MAN1B1: variants seen among roughly 807,000 people sequenced by gnomAD.
MAN1B1 encodes the protein mannosidase alpha class 1B member 1, also known as endoplasmic reticulum mannosyl-oligosaccharide 1,2-alpha-mannosidase.
In MAN1B1, 66 loss-of-function variants were observed where a neutral mutation model predicts 75.5. That is an observed-to-expected ratio of 0.87 (90% CI 0.72 to 1.07). The LOEUF (loss-of-function observed/expected upper bound fraction) is 1.07. Among genes scored for constraint, MAN1B1 ranks in the 50% least tolerant of loss-of-function variants. MAN1B1 has a pLI of 0.00. For synonymous variants in MAN1B1, 453 were observed against 382.8 expected, an observed-to-expected ratio of 1.18 and a Z score of -2.14; for missense variants, 973 against 912.5, an observed-to-expected ratio of 1.07 and a Z score of -0.85.
At chr9:137,103,713 G>T (rs1369612686) in intron 8 of MAN1B1, 1 of 438,948 alleles carries the variant, frequency 2.3e-6, no homozygotes, top group Non-Finnish European at 4.6e-6. Flanking sequence ...CAGGCGTGCA[G>T]GTCCGTGGTG....
chr9:137,088,022 ACGTTC>A, intron 1 of MAN1B1, 48 bp from the exon 2 acceptor site: 8 of 1,316,842 alleles, frequency 6.1e-6, no homozygotes, highest in Non-Finnish European at 8.8e-6. Context: ...GACAGTTGAG[ACGTTC>A]CGTGTGATAT....
chr9:137,088,721 G>C, intron 2 of MAN1B1, 148 bp from the exon 3 acceptor site: 1 of 909,996 alleles, frequency 1.1e-6, no homozygotes, highest in Non-Finnish European at 1.7e-6. Flanking sequence ...TCATTCCCTT[G>C]GGACATTGTT....
chr9:137,095,372 T>TA (rs1400341009), intron 3 of MAN1B1, among the ~76,000 whole-genome samples: 189 of 151,216 alleles, frequency 1.2e-3, no homozygotes, highest in African/African-American at 4.6e-3. Flanking sequence ...CTTTCCTTTT[T>TA]TAAAAAAAAA....
At chr9:137,089,098 C>T (rs889682493) in intron 3 of MAN1B1, 93 bp downstream of exon 3, 7 of 1,462,226 alleles carry the variant, frequency 4.8e-6, no homozygotes, top group South Asian at 1.1e-5. Context: ...TTTCCTTTAC[C>T]ATTTATTACC....
chr9:137,106,121 G>A lies in MAN1B1; in HGVS notation c.1255-4G>A, dbSNP rs201918928. ...TAAACCCACCATCCCCCTTTCTGCC[G>A]CAGGAGGCAGTGGAGAAGGTGACAC... On this transcript the variant is annotated splice_region_variant and splice_polypyrimidine_tract_variant and intron_variant, in intron 8 of 12. Transcript: ENST00000371589. 1.5e-5 allele frequency: 24 copies of A among 1,611,828 alleles called. No homozygotes were observed. Among genetic ancestry groups the A allele is most frequent in the African/African-American group, 5.3e-5 (4 of 75,038 alleles).
At chr9:137,106,399 C>A in intron 9 of MAN1B1, 84 bp downstream of exon 9, 1 of 1,278,490 alleles carries the variant, frequency 7.8e-7, no homozygotes, top group Non-Finnish European at 1.1e-6. Flanking sequence ...GCTCCCACGG[C>A]CCCCGCTCCT....
Position 137,099,807 on chromosome 9 carries a change from T to C in MAN1B1, c.842T>C (p.Phe281Ser). 6.2e-7 allele frequency: 1 copy of C among 1,614,242 alleles called. No individual in the cohort carries two copies. The highest frequency in any genetic ancestry group is 8.5e-7 in the Non-Finnish European group (1 of 1,180,050). ...GAGCTGAAGCCTGTGTCCAGGTCCT[T>C]CAGTGAGTGGTTTGGCCTCGGTCTC... ...HDELKPVSRS[F>S]SEWFGLGLTL... Residue 281 changes from phenylalanine to serine, a missense_variant, in exon 6 of 13, where the codon TTC becomes TCC. Coordinates refer to ENST00000371589, the MANE Select transcript of MAN1B1 (RefSeq NM_016219.5).
In MAN1B1 at chr9:137,095,840, G is replaced by A. The variant is rs145060333; in HGVS notation, c.466-397G>A. 1.2e-3 allele frequency among the ~76,000 whole-genome samples: 190 copies of A among 152,292 alleles called. No individual in the cohort carries two copies. The East Asian group carries it at 0.031, about 25-fold the overall frequency. On this transcript the variant is annotated intron_variant, in intron 3 of 12. Transcript: ENST00000371589. ...GGGGAACCCAGCTCCATATGTCATC[G>A]GAAGCTTTGTGCTTTGTAGTGAGGA...
chr9:137,107,236 C>A lies in MAN1B1; in HGVS notation c.1567-14C>A. The stretch of plus-strand genomic sequence containing the variant: ...GGCCTGGGATCTGGGGCTGAAGAGA[C>A]CCTCTGATTCCAGGACCACCTGGTG... On this transcript the variant is annotated splice_polypyrimidine_tract_variant and intron_variant, in intron 10 of 12. Coordinates refer to ENST00000371589, the MANE Select transcript of MAN1B1 (RefSeq NM_016219.5). 6.2e-7 allele frequency: 1 copy of A among 1,612,148 alleles called. No homozygotes were observed. Among genetic ancestry groups the A allele is most frequent in the East Asian group, 2.2e-5 (1 of 44,848 alleles).
At chr9:137,089,125 C>G in intron 3 of MAN1B1, 120 bp downstream of exon 3, 1 of 1,284,696 alleles carries the variant, frequency 7.8e-7, no homozygotes, top group Non-Finnish European at 1.1e-6. Flanking sequence ...TTACCTCTCT[C>G]TCGTTTTGGA....
chr9:137,095,334 C>T (rs1830624186), intron 3 of MAN1B1, among the ~76,000 whole-genome samples: 1 of 151,728 alleles, frequency 6.6e-6, no homozygotes, highest in South Asian at 2.1e-4. Context: ...CAGACGTGAG[C>T]CACCGTGCCC....
chr9:137,106,575 C>G, intron 9 of MAN1B1, 114 bp from the exon 10 acceptor site: 21 of 1,547,192 alleles, frequency 1.4e-5, no homozygotes, highest in Non-Finnish European at 1.9e-5. Context: ...ACCTTCTGTC[C>G]GGCAAGGGCC....
intron 4 of MAN1B1, 95 bp from the exon 5 acceptor site, chr9:137,097,733 G>A (rs1830691656): frequency 7.3e-6 from 7 of 952,988 alleles, no homozygotes; most frequent in Admixed American, 2.0e-5. Flanking sequence ...TTGGGTGCAG[G>A]GCTGTGCCTT....
intron 8 of MAN1B1, 56 bp downstream of exon 8, chr9:137,101,728 A>G (rs759054782): frequency 1.9e-6 from 3 of 1,559,188 alleles, no homozygotes; most frequent in Non-Finnish European, 2.6e-6. Context: ...CCTTTTGCTC[A>G]TCACAGCAGG....
chr9:137,089,803 C>T (rs918262570), intron 3 of MAN1B1, among the ~76,000 whole-genome samples: 7 of 151,862 alleles, frequency 4.6e-5, no homozygotes, highest in Admixed American at 4.6e-4. Flanking sequence ...GGGTGAGTCC[C>T]CGGGTGGAGG....
intron 7 of MAN1B1, 51 bp downstream of exon 7, chr9:137,101,204 A>G (rs762769320): frequency 6.2e-7 from 1 of 1,607,330 alleles, no homozygotes; most frequent in Non-Finnish European, 8.5e-7. Flanking sequence ...GCATTCAAGC[A>G]GTTACCCCTT....
intron 10 of MAN1B1, 124 bp from the exon 11 acceptor site, chr9:137,107,126 C>T (rs888912331): frequency 1.6e-5 from 17 of 1,057,570 alleles, no homozygotes; most frequent in African/African-American, 3.2e-5. Context: ...AGTGCCCTCG[C>T]GTGGCCTCCC....
intron 3 of MAN1B1, among the ~76,000 whole-genome samples, chr9:137,090,684 C>T (rs368518148): frequency 2.0e-5 from 3 of 151,982 alleles, no homozygotes; most frequent in South Asian, 2.1e-4. Context: ...GGATTACAGG[C>T]GCCCGACACC....
rs1432139879 is a variant in MAN1B1, at chr9:137,087,043, C to T, written c.44C>T (p.Ser15Phe). 1.2e-6 allele frequency: 2 copies of T among 1,604,240 alleles called. No homozygotes were observed. Among genetic ancestry groups the T allele is most frequent in the East Asian group, 2.2e-5 (1 of 44,552 alleles). Residue 15 changes from serine to phenylalanine, a missense_variant, in exon 1 of 13, where the codon TCT (serine) becomes TTT (phenylalanine). Ser to Phe is a radical substitution (Grantham distance 155, BLOSUM62 -2). Transcript: ENST00000371589. ...EGRRSGALGS[S>F]QSDFLTPPVG... Reference sequence around the variant, plus strand: ...AGGAGAAGCGGAGCTCTCGGTTCCTCTCAGTCGGACTTCCTGACGCCGCCA... The same window carrying T: ...AGGAGAAGCGGAGCTCTCGGTTCCTTTCAGTCGGACTTCCTGACGCCGCCA...
Sources: allele counts gnomAD v4.1 joint callset (sites outside exome capture counted in the v4.1 genomes callset), GRCh38; gene constraint gnomAD v4.1.1; transcripts MANE v1.5; gene names NCBI Gene and HGNC (gene_info 2026-07-23, HGNC 2026-07-21).